MYO16: variants seen among roughly 807,000 people sequenced by gnomAD.
MYO16 encodes the protein unconventional myosin-XVI.
MYO16 carries 94 observed loss-of-function variants against 205.3 expected under a neutral mutation model. The ratio of observed to expected loss-of-function variants is 0.46; its 90% CI spans 0.39 to 0.54. The LOEUF (loss-of-function observed/expected upper bound fraction) is 0.54. Among genes scored for constraint, MYO16 ranks in the 20% least tolerant of loss-of-function variants. The pLI is 0.00. For missense variants in MYO16, 2,315 were observed against 2,387.5 expected, an observed-to-expected ratio of 0.97 and a Z score of 0.63; for synonymous variants, 988 against 954.0, an observed-to-expected ratio of 1.04 and a Z score of -0.66.
rs752678412 is a variant in MYO16 at position 108,992,146 on chromosome 13, G to A, written c.2370-230G>A. On this transcript the variant is annotated intron_variant, in intron 20 of 34. Coordinates refer to ENST00000457511, the MANE Select transcript of MYO16 (RefSeq NM_001198950.3). ...TTAAAACAGATTTACAAGACGATGTGTTTTTATAAATGTGCATGTGTTTGA... is the reference window on the plus strand; with the variant it reads ...TTAAAACAGATTTACAAGACGATGTATTTTTATAAATGTGCATGTGTTTGA... 5.1e-4 allele frequency among the ~76,000 whole-genome samples: 77 copies of A among 152,042 alleles called. 1 individual carries two copies. The highest frequency in any genetic ancestry group is 6.3e-4 in the Non-Finnish European group (43 of 67,996).
At chr13:108,692,566 A>G (rs1882939126) in intron 2 of MYO16, among the ~76,000 whole-genome samples, 1 of 152,156 alleles carries the variant, frequency 6.6e-6, no homozygotes, top group African/African-American at 2.4e-5. Flanking sequence ...CAAATCCTGA[A>G]GCCTCTGGCA....
chr13:108,536,524 C>T, the MYO16 span, among the ~76,000 whole-genome samples: 1 of 151,998 alleles, frequency 6.6e-6, no homozygotes. Context: ...GCTCTGTAAC[C>T]TTGGACAAGT....
intron 20 of MYO16, among the ~76,000 whole-genome samples, chr13:108,980,535 C>T (rs76138347): frequency 2.0e-5 from 3 of 152,278 alleles, no homozygotes; most frequent in African/African-American, 4.8e-5. Flanking sequence ...CCCTTTTTGG[C>T]TCTCCATGAC....
intron 16 of MYO16, among the ~76,000 whole-genome samples, chr13:108,927,623 A>C (rs1882068408): frequency 6.6e-6 from 1 of 152,214 alleles, no homozygotes; most frequent in African/African-American, 2.4e-5. Flanking sequence ...AATTTCATGA[A>C]ATTTTCTCTG....
chr13:109,079,348 G>T (rs1398157602), intron 27 of MYO16, among the ~76,000 whole-genome samples: 1 of 151,178 alleles, frequency 6.6e-6, no homozygotes, highest in East Asian at 2.0e-4. Flanking sequence ...CAGAAATCTG[G>T]GATTTATTTA....
At chr13:108,517,529 A>G in the MYO16 span, among the ~76,000 whole-genome samples, 6 of 152,344 alleles carry the variant, frequency 3.9e-5, no homozygotes, top group South Asian at 1.2e-3. Flanking sequence ...ATATGTGGGT[A>G]TTAGTTAACT....
chr13:108,585,171 G>A, the MYO16 span, among the ~76,000 whole-genome samples: 6 of 152,106 alleles, frequency 3.9e-5, no homozygotes, highest in East Asian at 1.9e-4. Context: ...ACCATGGCCC[G>A]TGACACAGCC....
intron 32 of MYO16, among the ~76,000 whole-genome samples, chr13:109,143,177 T>C (rs1395095072): frequency 6.6e-6 from 1 of 152,118 alleles, no homozygotes; most frequent in Non-Finnish European, 1.5e-5. Context: ...CAAAAGAAAA[T>C]ACATAAATGT....
upstream of MYO16, among the ~76,000 whole-genome samples, chr13:108,626,529 C>T (rs536212007): frequency 4.3e-4 from 66 of 152,112 alleles, no homozygotes; most frequent in African/African-American, 1.3e-3. Context: ...AAGATTTAGC[C>T]GGGCATGGTG....
intron 3 of MYO16, among the ~76,000 whole-genome samples, chr13:108,713,877 T>TG (rs1883820067): frequency 3.3e-5 from 5 of 152,226 alleles, no homozygotes; most frequent in African/African-American, 1.2e-4. Flanking sequence ...GAAACGTCTC[T>TG]GTTTTACACT....
intron 15 of MYO16, among the ~76,000 whole-genome samples, chr13:108,903,091 G>A (rs1880786513): frequency 1.3e-5 from 2 of 152,066 alleles, no homozygotes; most frequent in Non-Finnish European, 2.9e-5. Flanking sequence ...CCTGGCTTGT[G>A]TTCAAGTAAC....
intron 27 of MYO16, among the ~76,000 whole-genome samples, chr13:109,099,916 C>A (rs549704250): frequency 6.6e-6 from 1 of 152,300 alleles, no homozygotes; most frequent in East Asian, 1.9e-4. Context: ...AGGTATTAAA[C>A]AGAAAATAAC....
Position 109,125,365 on chromosome 13 carries a change from G to T in MYO16, c.3782+7G>T, listed in dbSNP as rs1174075185. On this transcript the variant is annotated splice_region_variant and intron_variant, in intron 30 of 34. Transcript: ENST00000457511. The surrounding 1 kb of genome is among the most constrained non-coding windows in gnomAD (Gnocchi z 4.0). Reference sequence around the variant, plus strand: ...AAGAGGAAGGAAGCAAAAGGTAAAGGCAGAGAGCATGCAATTTTAATTACC... The same window carrying T: ...AAGAGGAAGGAAGCAAAAGGTAAAGTCAGAGAGCATGCAATTTTAATTACC... 1 of 1,613,570 alleles carries T rather than the reference G, an allele frequency of 6.2e-7. No individual in the cohort carries two copies. Among genetic ancestry groups the T allele is most frequent in the African/African-American group, 1.3e-5 (1 of 75,006 alleles).
chr13:109,177,749 T>A (rs1879273441), intron 33 of MYO16, among the ~76,000 whole-genome samples: 1 of 152,148 alleles, frequency 6.6e-6, no homozygotes, highest in Non-Finnish European at 1.5e-5. Context: ...TCTCCTGACC[T>A]CAGGTGATCC....
At chr13:108,758,023 T>G (rs911619649) in intron 4 of MYO16, among the ~76,000 whole-genome samples, 3 of 152,168 alleles carry the variant, frequency 2.0e-5, no homozygotes, top group Non-Finnish European at 4.4e-5. Flanking sequence ...AGAGGCCTTC[T>G]AATTGAGATT....
chr13:108,727,604 T>C (rs1288349817), intron 4 of MYO16, 21 bp downstream of exon 4: 17 of 1,594,288 alleles, frequency 1.1e-5, no homozygotes, highest in Non-Finnish European at 1.5e-5. Flanking sequence ...CAATTCAGTT[T>C]ACCATTTGAA....
the MYO16 span, among the ~76,000 whole-genome samples, chr13:108,503,263 AC>A: frequency 1.3e-5 from 2 of 151,460 alleles, no homozygotes; most frequent in African/African-American, 2.4e-5. Context: ...TATGTGGAAA[AC>A]CCCCCTAGGC....
intron 4 of MYO16, among the ~76,000 whole-genome samples, chr13:108,782,338 T>C (rs1370590935): frequency 1.3e-5 from 2 of 152,184 alleles, no homozygotes; most frequent in African/African-American, 4.8e-5. Flanking sequence ...TAGAAATTTG[T>C]GGAACTTTGA....
At chr13:109,023,408 T>G (rs1488616345) in intron 23 of MYO16, among the ~76,000 whole-genome samples, 1 of 84,648 alleles carries the variant, frequency 1.2e-5, no homozygotes, top group Non-Finnish European at 2.0e-5. Context: ...TATTTATATA[T>G]TATACAGATA....
Sources: allele counts gnomAD v4.1 joint callset (sites outside exome capture counted in the v4.1 genomes callset), GRCh38; gene constraint gnomAD v4.1.1; non-coding constraint Gnocchi (gnomAD v3.1); transcripts MANE v1.5; gene names NCBI Gene and HGNC (gene_info 2026-07-23, HGNC 2026-07-21).